The following DMD variants were observed in gnomAD, a reference collection of about 807,000 sequenced individuals.
The protein encoded by DMD is dystrophin, also known as mutant dystrophin.
In DMD, 63 loss-of-function variants were observed where a neutral mutation model predicts 330.1. The observed-to-expected ratio is 0.19, with a 90% CI of 0.16 to 0.24. DMD has a LOEUF of 0.24. Ranked by LOEUF, DMD falls within the 10% of genes least tolerant of loss-of-function variation. DMD has a pLI of 1.00. For synonymous variants in DMD, 1,223 were observed against 959.8 expected, an observed-to-expected ratio of 1.27 and a Z score of -5.07; for missense variants, 3,344 against 2,684.1, an observed-to-expected ratio of 1.25 and a Z score of -5.43.
At chrX:32,336,307 C>T (rs1271416617) in intron 41 of DMD, among the ~76,000 whole-genome samples, 5 of 111,559 alleles carry the variant, frequency 4.5e-5, no homozygotes, top group Non-Finnish European at 7.5e-5. Context: ...TGAGCCACCA[C>T]GCCCAGCCAA....
chrX:31,428,893 G>A (rs1401381990), intron 60 of DMD, among the ~76,000 whole-genome samples: 1 of 111,695 alleles, frequency 9.0e-6, no homozygotes, highest in African/African-American at 3.3e-5. Context: ...AGGCCAAGGC[G>A]GGCAGATCAC....
chrX:33,131,016 C>T (rs772705193), intron 1 of DMD, among the ~76,000 whole-genome samples: 6 of 111,443 alleles, frequency 5.4e-5, no homozygotes, highest in Non-Finnish European at 1.1e-4. Context: ...TTCAGTCATC[C>T]AACTAACCGG....
chrX:32,770,595 A>G (rs1336724442), intron 7 of DMD, among the ~76,000 whole-genome samples: 3 of 111,677 alleles, frequency 2.7e-5, no homozygotes, highest in Non-Finnish European at 1.9e-5. Flanking sequence ...TGAGTTGCAT[A>G]AAATTATATA....
chrX:32,745,537 G>A (rs755281004), intron 7 of DMD, among the ~76,000 whole-genome samples: 8 of 112,417 alleles, frequency 7.1e-5, no homozygotes, highest in African/African-American at 2.3e-4. Flanking sequence ...GTGAGACACT[G>A]TAATGAGTTC....
Position 31,798,711 on chromosome X carries a change from T to C in DMD, c.7309+21264A>G, listed in dbSNP as rs1023740687. Among the ~76,000 whole-genome samples the C allele has an allele frequency of 2.7e-5, 3 of 111,300 alleles. No individual in the cohort carries two copies. The Admixed American group carries it at 2.9e-4, about 11-fold the overall frequency. On this transcript the variant is annotated intron_variant, in intron 50 of 78. Transcript: ENST00000357033. ...AGGCAATGGCCTCATGGAATTTATA[T>C]TGTGATATAGAAAAGAGACAGGAAA...
intron 45 of DMD, among the ~76,000 whole-genome samples, chrX:31,935,920 TA>T (rs1211809872): frequency 1.8e-5 from 2 of 111,352 alleles, no homozygotes; most frequent in African/African-American, 6.5e-5. Flanking sequence ...TTTACTAGCA[TA>T]TTTTTTTCTA....
chrX:32,521,114 C>T (rs2046379692), intron 17 of DMD, among the ~76,000 whole-genome samples: 1 of 111,714 alleles, frequency 9.0e-6, no homozygotes, highest in Admixed American at 9.5e-5. Context: ...TTCCCACTAC[C>T]TACATTTTGA....
At chrX:32,464,931 A>C (rs978166454) in intron 23 of DMD, among the ~76,000 whole-genome samples, 1 of 111,831 alleles carries the variant, frequency 8.9e-6, no homozygotes, top group Non-Finnish European at 1.9e-5. Context: ...TTACTACCAA[A>C]TGTGGTTTTA....
chrX:32,496,635 C>A (rs1298606020), intron 19 of DMD, among the ~76,000 whole-genome samples: 1 of 112,805 alleles, frequency 8.9e-6, no homozygotes, highest in African/African-American at 3.2e-5. Context: ...CAGTCTCTTT[C>A]TTTCACACAC....
intron 1 of DMD, among the ~76,000 whole-genome samples, chrX:33,194,047 T>C (rs2050794764): frequency 9.0e-6 from 1 of 110,850 alleles, no homozygotes; most frequent in Non-Finnish European, 1.9e-5. Flanking sequence ...ATAGACTCAG[T>C]TACCTCATCT....
At chrX:32,815,520 TACACAC>T (rs1557051739) in intron 6 of DMD, among the ~76,000 whole-genome samples, 1 of 78,957 alleles carries the variant, frequency 1.3e-5, no homozygotes, top group African/African-American at 5.3e-5. Flanking sequence ...TATATATATA[TACACAC>T]ACACACACAC....
intron 52 of DMD, among the ~76,000 whole-genome samples, chrX:31,700,171 G>A (rs2083717187): frequency 9.4e-6 from 1 of 105,856 alleles, no homozygotes; most frequent in Non-Finnish European, 1.9e-5. Flanking sequence ...AGGCAACATA[G>A]TGAGACTCTG....
At chrX:32,558,813 G>T (rs1249854802) in intron 16 of DMD, among the ~76,000 whole-genome samples, 1 of 110,661 alleles carries the variant, frequency 9.0e-6, no homozygotes, top group Non-Finnish European at 1.9e-5. Flanking sequence ...TACAGACAAT[G>T]CATTTACAAG....
At chrX:32,823,710 A>T (rs2078466981) in intron 4 of DMD, among the ~76,000 whole-genome samples, 1 of 111,881 alleles carries the variant, frequency 8.9e-6, no homozygotes, top group Non-Finnish European at 1.9e-5. Context: ...ATTACAACTC[A>T]GAAAAATTCA....
chrX:32,848,200 A>G (rs112357411), intron 3 of DMD, among the ~76,000 whole-genome samples: 82 of 112,001 alleles, frequency 7.3e-4, no homozygotes, highest in Non-Finnish European at 1.4e-3. Flanking sequence ...AGTAAGCCAT[A>G]ATCTTTGAAA....
chrX:32,996,522 T>C (rs1185083300), intron 2 of DMD, among the ~76,000 whole-genome samples: 1 of 111,566 alleles, frequency 9.0e-6, no homozygotes, highest in Non-Finnish European at 1.9e-5. Flanking sequence ...TGTCACAAAA[T>C]ATGTCAAGAA....
intron 2 of DMD, among the ~76,000 whole-genome samples, chrX:32,920,487 C>G (rs956805438): frequency 3.7e-5 from 4 of 109,535 alleles, no homozygotes; most frequent in Non-Finnish European, 5.7e-5. Flanking sequence ...CCTCCCATCT[C>G]TTTCTCTCTT....
intron 1 of DMD, among the ~76,000 whole-genome samples, chrX:33,074,365 A>G (rs1194787614): frequency 1.8e-5 from 2 of 111,280 alleles, no homozygotes; most frequent in African/African-American, 3.3e-5. Flanking sequence ...TCATTGCTCA[A>G]TTAAACTCCT....
At chrX:31,292,094 TA>T (rs759066930) in intron 62 of DMD, among the ~76,000 whole-genome samples, 3 of 111,396 alleles carry the variant, frequency 2.7e-5, no homozygotes, top group East Asian at 2.8e-4. Context: ...GAATTAACCC[TA>T]AGGAAAAATT....
Sources: gnomAD v4.1 joint callset for allele counts (sites outside exome capture counted in the v4.1 genomes callset) on GRCh38, gnomAD v4.1.1 for gene constraint, MANE v1.5 for transcripts, NCBI Gene and HGNC (gene_info 2026-07-23, HGNC 2026-07-21) for gene names.